The following EXPH5 variants were observed in gnomAD, a reference collection of about 807,000 sequenced individuals.
EXPH5 encodes exophilin-5.
Under a neutral mutation model 41.1 loss-of-function variants are expected in EXPH5, and 42 were observed. The observed-to-expected ratio is 1.02, with a 90% CI of 0.80 to 1.32. EXPH5 has a LOEUF of 1.32. Among genes scored for constraint, EXPH5 ranks in the 40% most tolerant of loss-of-function variants. The pLI is 0.00. For missense variants in EXPH5, 2,298 were observed against 2,314.5 expected, an observed-to-expected ratio of 0.99 and a Z score of 0.15; for synonymous variants, 798 against 833.5, an observed-to-expected ratio of 0.96 and a Z score of 0.73.
At chr11:108,521,593 C>T (rs2093765204) in intron 4 of EXPH5, among the ~76,000 whole-genome samples, 1 of 152,118 alleles carries the variant, frequency 6.6e-6, no homozygotes, top group Admixed American at 6.5e-5. Context: ...GGTAATAAAA[C>T]CTCAAACTAA....
intron 1 of EXPH5, among the ~76,000 whole-genome samples, chr11:108,574,075 G>GTTT (rs1384755703): frequency 1.0e-4 from 15 of 144,936 alleles, no homozygotes; most frequent in African/African-American, 4.1e-4. Flanking sequence ...CTAATTTTGT[G>GTTT]TGTTTTTTTT....
chr11:108,573,069 TAA>T (rs1491339520), intron 1 of EXPH5, among the ~76,000 whole-genome samples: 1 of 53,052 alleles, frequency 1.9e-5, no homozygotes, highest in African/African-American at 7.8e-5. Flanking sequence ...TTGAAAAAAA[TAA>T]GAGAGAGAGA....
At chr11:108,602,623 T>G in the EXPH5 span, among the ~76,000 whole-genome samples, 30 of 151,862 alleles carry the variant, frequency 2.0e-4, no homozygotes, top group Non-Finnish European at 1.0e-4. Flanking sequence ...CACAGCTCAC[T>G]GCAGCCTTGA....
At chr11:108,576,229 G>A (rs1373585184) in intron 1 of EXPH5, among the ~76,000 whole-genome samples, 1 of 152,140 alleles carries the variant, frequency 6.6e-6, no homozygotes, top group Non-Finnish European at 1.5e-5. Flanking sequence ...GCATACAATA[G>A]ATTATTATTC....
At chr11:108,545,141 T>C (rs1372767996) in intron 1 of EXPH5, among the ~76,000 whole-genome samples, 2 of 152,174 alleles carry the variant, frequency 1.3e-5, no homozygotes, top group African/African-American at 2.4e-5. Context: ...AGGCTGGGCA[T>C]GGTGGCTCAC....
chr11:108,585,657 T>G (rs1373067748), intron 1 of EXPH5, among the ~76,000 whole-genome samples: 1 of 152,210 alleles, frequency 6.6e-6, no homozygotes, highest in African/African-American at 2.4e-5. Flanking sequence ...AACTCTTATA[T>G]ACTGTTGGTA....
intron 3 of EXPH5, among the ~76,000 whole-genome samples, chr11:108,534,407 A>G (rs902560614): frequency 1.3e-5 from 2 of 152,186 alleles, no homozygotes; most frequent in Non-Finnish European, 2.9e-5. Context: ...CATTGCTCAT[A>G]TAAGGCCCGT....
chr11:108,559,734 T>C (rs1184963636), intron 1 of EXPH5, among the ~76,000 whole-genome samples: 2 of 152,198 alleles, frequency 1.3e-5, no homozygotes, highest in Non-Finnish European at 2.9e-5. Flanking sequence ...GAATCTGTCT[T>C]GTTAGGAAAA....
chr11:108,594,621 A>C (rs2094136019), upstream of EXPH5, among the ~76,000 whole-genome samples: 1 of 152,208 alleles, frequency 6.6e-6, no homozygotes, highest in African/African-American at 2.4e-5. Context: ...TACAGAAAAC[A>C]TGTTTTTATC....
intron 1 of EXPH5, among the ~76,000 whole-genome samples, chr11:108,591,166 T>A (rs1474577874): frequency 1.3e-5 from 2 of 152,220 alleles, no homozygotes; most frequent in East Asian, 3.8e-4. Context: ...TGTTGAAGCA[T>A]CTCTTTTTTG....
Position 108,593,466 on chromosome 11 carries a change from A to C in EXPH5, c.71T>G (p.Val24Gly). Reference protein sequence around the residue: ...NDEEARKILQVLERNEELQRA... With the variant: ...NDEEARKILQGLERNEELQRA... ...CTGTAACTCCTCATTCCTTTCCAGC[A>C]CCTGAAGGATCTTCCTGGCCTCTTC... Residue 24 changes from valine to glycine, a missense_variant, in exon 1 of 6, where the codon GTG (valine) becomes GGG (glycine). Transcript: ENST00000265843. 1 of 1,614,096 alleles carries C rather than the reference A, an allele frequency of 6.2e-7. No homozygotes were observed. The highest frequency in any genetic ancestry group is 8.5e-7 in the Non-Finnish European group (1 of 1,180,004).
chr11:108,582,227 G>A (rs1429669019), intron 1 of EXPH5, among the ~76,000 whole-genome samples: 1 of 152,168 alleles, frequency 6.6e-6, no homozygotes, highest in Non-Finnish European at 1.5e-5. Flanking sequence ...ACTTTGGGAG[G>A]CTGGGGCGGG....
chr11:108,580,325 G>T (rs2094094061), intron 1 of EXPH5, among the ~76,000 whole-genome samples: 1 of 152,082 alleles, frequency 6.6e-6, no homozygotes, highest in Admixed American at 6.5e-5. Context: ...CTAATCATCA[G>T]GGAAATGCAA....
In EXPH5 at chr11:108,550,920, A is replaced by G. The variant is rs544859930; in HGVS notation, c.120-9108T>C. Among the ~76,000 whole-genome samples, 47 of 152,344 alleles carry G rather than the reference A, an allele frequency of 3.1e-4. No individual in the cohort carries two copies. The South Asian group carries it at 6.0e-3, about 19-fold the overall frequency. On this transcript the variant is annotated intron_variant, in intron 1 of 5. Transcript: ENST00000265843. ...TAAAATCTATGGTCAGAAAAGCCTCAACATTCCTACATCACATCCAAATCA... is the reference window on the plus strand; with the variant it reads ...TAAAATCTATGGTCAGAAAAGCCTCGACATTCCTACATCACATCCAAATCA...
chr11:108,606,045 T>C, the EXPH5 span, among the ~76,000 whole-genome samples: 1 of 152,214 alleles, frequency 6.6e-6, no homozygotes, highest in Admixed American at 6.5e-5. Flanking sequence ...TTTTTAAAAA[T>C]AGAGACAGGT....
chr11:108,575,545 T>C (rs911891994), intron 1 of EXPH5, among the ~76,000 whole-genome samples: 3 of 152,228 alleles, frequency 2.0e-5, no homozygotes, highest in Non-Finnish European at 4.4e-5. Context: ...AACTAAATTA[T>C]AGAATATATG....
Position 108,535,801 on chromosome 11 carries a change from T to C in EXPH5, c.443+3223A>G, listed in dbSNP as rs576209378. Among the ~76,000 whole-genome samples the C allele has an allele frequency of 2.0e-4, 30 of 152,280 alleles. No homozygotes were observed. In the South Asian group the frequency reaches 5.4e-3, roughly 27 times the overall value. On this transcript the variant is annotated intron_variant, in intron 3 of 5. Coordinates refer to ENST00000265843, the MANE Select transcript of EXPH5 (RefSeq NM_015065.3). Reference sequence around the variant, plus strand: ...CTCTTTGCATCTGAAGGGCAACGCATATCACTTATTCATAGTAGGGAGGGC... The same window carrying C: ...CTCTTTGCATCTGAAGGGCAACGCACATCACTTATTCATAGTAGGGAGGGC...
intron 1 of EXPH5, among the ~76,000 whole-genome samples, chr11:108,549,671 AC>A (rs2093954612): frequency 1.3e-5 from 2 of 152,080 alleles, no homozygotes; most frequent in Admixed American, 1.3e-4. Context: ...TGTTAATGAT[AC>A]CCTCCCTGGC....
At chr11:108,572,068 T>C (rs892000661) in intron 1 of EXPH5, among the ~76,000 whole-genome samples, 1 of 150,156 alleles carries the variant, frequency 6.7e-6, no homozygotes, top group African/African-American at 2.4e-5. Context: ...AAAAAGGCAT[T>C]GAACATAACT....
Sources: allele counts gnomAD v4.1 joint callset (sites outside exome capture counted in the v4.1 genomes callset), GRCh38; gene constraint gnomAD v4.1.1; transcripts MANE v1.5; gene names NCBI Gene and HGNC (gene_info 2026-07-23, HGNC 2026-07-21).